GRM8: variants seen among roughly 807,000 people sequenced by gnomAD.
GRM8 encodes metabotropic glutamate receptor 8.
In GRM8, 47 loss-of-function variants were observed where a neutral mutation model predicts 87.2. That is an observed-to-expected ratio of 0.54 (90% CI 0.43 to 0.69). The LOEUF is 0.69. Ranked by LOEUF, GRM8 falls within the 30% of genes least tolerant of loss-of-function variation. The pLI, the probability that GRM8 is intolerant of heterozygous loss-of-function variation, is 0.00. For missense variants in GRM8, 1,019 were observed against 1,139.2 expected (o/e 0.89, Z 1.52); for synonymous variants, 396 against 404.5 (o/e 0.98, Z 0.25).
At chr7:126,488,183 A>C (rs969975845) in intron 9 of GRM8, among the ~76,000 whole-genome samples, 5 of 151,960 alleles carry the variant, frequency 3.3e-5, no homozygotes, top group Non-Finnish European at 7.4e-5. Flanking sequence ...AGAAAAAAAA[A>C]CAAAAAACAG....
chr7:126,607,491 G>A (rs1322174349), intron 8 of GRM8, among the ~76,000 whole-genome samples: 2 of 152,086 alleles, frequency 1.3e-5, no homozygotes, highest in Non-Finnish European at 2.9e-5. Flanking sequence ...TCAAATTGAT[G>A]TCTTCTGATT....
intron 2 of GRM8, among the ~76,000 whole-genome samples, chr7:127,117,405 TGGA>T (rs1451866209): frequency 6.6e-6 from 1 of 152,208 alleles, no homozygotes; most frequent in Admixed American, 6.5e-5. Context: ...CAGGGAGACA[TGGA>T]GAACTGCATT....
intron 6 of GRM8, among the ~76,000 whole-genome samples, chr7:126,868,218 T>C (rs1022834257): frequency 6.6e-6 from 1 of 152,150 alleles, no homozygotes; most frequent in African/African-American, 2.4e-5. Flanking sequence ...ACAACACTAC[T>C]GTGTGAAGGG....
At chr7:126,486,419 T>A (rs1807375365) in intron 9 of GRM8, among the ~76,000 whole-genome samples, 1 of 152,058 alleles carries the variant, frequency 6.6e-6, no homozygotes, top group African/African-American at 2.4e-5. Context: ...CTGTTGAATA[T>A]GTTTACTTGG....
intron 10 of GRM8, 60 bp downstream of exon 10, chr7:126,446,066 C>G: frequency 6.3e-7 from 1 of 1,597,750 alleles, no homozygotes; most frequent in South Asian, 1.1e-5. Flanking sequence ...GAATGTTCAA[C>G]GTACATCTAT....
At chr7:126,877,286 T>G (rs1799606279) in intron 6 of GRM8, among the ~76,000 whole-genome samples, 1 of 152,228 alleles carries the variant, frequency 6.6e-6, no homozygotes. Context: ...AGCAGTAAAG[T>G]TCTTCAAAGT....
chr7:126,850,353 A>G (rs753500780), intron 6 of GRM8, among the ~76,000 whole-genome samples: 2 of 152,118 alleles, frequency 1.3e-5, no homozygotes, highest in African/African-American at 2.4e-5. Flanking sequence ...GGAGTGCTTC[A>G]GGGCCCAGTC....
chr7:126,686,645 G>C (rs900843139), intron 7 of GRM8, among the ~76,000 whole-genome samples: 12 of 152,172 alleles, frequency 7.9e-5, no homozygotes, highest in African/African-American at 2.4e-4. Flanking sequence ...AGTGTGTCTT[G>C]CTGTGCACAC....
chr7:126,850,608 G>A (rs1402322783), intron 6 of GRM8, among the ~76,000 whole-genome samples: 2 of 152,194 alleles, frequency 1.3e-5, no homozygotes, highest in Non-Finnish European at 1.5e-5. Flanking sequence ...ACTGTGGACT[G>A]AGTGCTGTCT....
chr7:126,602,720 T>C, intron 8 of GRM8, among the ~76,000 whole-genome samples: 1 of 151,954 alleles, frequency 6.6e-6, no homozygotes, highest in Non-Finnish European at 1.5e-5. Flanking sequence ...TCACTCATGA[T>C]TTGGCTCTCT....
At chr7:126,969,587 T>C (rs1391188065) in intron 3 of GRM8, among the ~76,000 whole-genome samples, 1 of 152,178 alleles carries the variant, frequency 6.6e-6, no homozygotes, top group African/African-American at 2.4e-5. Context: ...TCTCTTCTTA[T>C]TTCCACCACA....
intron 9 of GRM8, among the ~76,000 whole-genome samples, chr7:126,480,441 A>G (rs1157193436): frequency 1.3e-5 from 2 of 152,118 alleles, no homozygotes; most frequent in African/African-American, 4.8e-5. Context: ...TAGCTACTGT[A>G]AGGTTAAAGA....
At chr7:126,815,101 A>G (rs1470627209) in intron 6 of GRM8, among the ~76,000 whole-genome samples, 1 of 152,148 alleles carries the variant, frequency 6.6e-6, no homozygotes, top group Non-Finnish European at 1.5e-5. Context: ...TAGAGATTCA[A>G]ATAGGTAAAC....
intron 7 of GRM8, among the ~76,000 whole-genome samples, chr7:126,627,977 T>A (rs1043309081): frequency 6.6e-6 from 1 of 152,220 alleles, no homozygotes; most frequent in Non-Finnish European, 1.5e-5. Context: ...TCTTATAATG[T>A]TCTTCTTGTT....
At chr7:126,520,762 C>T (rs1292032428) in intron 9 of GRM8, among the ~76,000 whole-genome samples, 1 of 152,010 alleles carries the variant, frequency 6.6e-6, no homozygotes, top group Non-Finnish European at 1.5e-5. Context: ...AATTTGACGG[C>T]CTTCTTTGGA....
intron 3 of GRM8, among the ~76,000 whole-genome samples, chr7:126,960,021 TG>T (rs1248997224): frequency 2.0e-5 from 3 of 152,224 alleles, no homozygotes; most frequent in African/African-American, 7.2e-5. Context: ...TTATTATTTT[TG>T]TTATTGAGCT....
At chr7:127,187,516 C>T (rs1794802851) in intron 2 of GRM8, among the ~76,000 whole-genome samples, 1 of 152,128 alleles carries the variant, frequency 6.6e-6, no homozygotes, top group South Asian at 2.1e-4. Flanking sequence ...GTTTTTCATA[C>T]AAATAGCAAA....
chr7:126,831,819 G>A (rs555422485), intron 6 of GRM8, among the ~76,000 whole-genome samples: 16 of 152,036 alleles, frequency 1.1e-4, no homozygotes, highest in Non-Finnish European at 2.1e-4. Flanking sequence ...GTTCCTATTC[G>A]GCCATCTTGG....
Position 127,160,528 on chromosome 7 carries a change from C to T in GRM8, c.511-53816G>A, listed in dbSNP as rs557002074. Among the ~76,000 whole-genome samples the T allele has an allele frequency of 5.2e-4, 12 of 23,270 alleles. No homozygotes were observed. The South Asian group carries it at 6.7e-3, about 13-fold the overall frequency. 15.3% of individuals were successfully genotyped at this position (23,270 alleles called of 152,430 possible). ...GTAAGGGTGTAAGGAGGCTCCATCA[C>T]GCGCGCGCACACACACACACACACA... On this transcript the variant is annotated intron_variant, in intron 2 of 10. Coordinates refer to ENST00000339582, the MANE Select transcript of GRM8 (RefSeq NM_000845.3).
Sources: allele counts gnomAD v4.1 joint callset (sites outside exome capture counted in the v4.1 genomes callset), GRCh38; gene constraint gnomAD v4.1.1; transcripts MANE v1.5; gene names NCBI Gene and HGNC (gene_info 2026-07-23, HGNC 2026-07-21).